Variants in RASAL1 observed in about 807,000 individuals in gnomAD.
The protein encoded by RASAL1 is rasGAP-activating-like protein 1.
RASAL1 carries 72 observed loss-of-function variants against 96.6 expected under a neutral mutation model. The ratio of observed to expected loss-of-function variants is 0.75; its 90% CI spans 0.62 to 0.91. The LOEUF (loss-of-function observed/expected upper bound fraction) is 0.91. RASAL1 is among the 40% of genes least tolerant of loss of function. The pLI, the probability that RASAL1 is intolerant of heterozygous loss-of-function variation, is 0.00. For missense variants in RASAL1, 1,016 were observed against 1,072.5 expected (o/e 0.95, Z 0.74); for synonymous variants, 405 against 430.4 (o/e 0.94, Z 0.73).
chr12:113,120,886 G>C (rs1302595338), intron 5 of RASAL1, among the ~76,000 whole-genome samples: 3 of 152,204 alleles, frequency 2.0e-5, no homozygotes, highest in Admixed American at 2.0e-4. Context: ...ACTCAGGCCT[G>C]ATCCATTATT....
rs373894554 is a variant in RASAL1 at position 113,115,623 on chromosome 12, C to G, written c.1003+12G>C. 14 of 1,610,986 alleles carry G rather than the reference C, an allele frequency of 8.7e-6. No homozygotes were observed. The East Asian group carries it at 2.7e-4, about 31-fold the overall frequency. On this transcript the variant is annotated intron_variant, in intron 10 of 20. Coordinates refer to ENST00000548055, the MANE Select transcript of RASAL1 (RefSeq NM_001301202.2). This position sits in a 1 kb window ranked among gnomAD's most constrained non-coding sequence, Gnocchi z 4.1. ...GAGGGCGGTGATGTCGGGGGTTGTG[C>G]GGGCAACTCACTGGTCCGAGCCACC...
chr12:113,132,429 G>A (rs1951755519), intron 1 of RASAL1, among the ~76,000 whole-genome samples: 1 of 152,106 alleles, frequency 6.6e-6, no homozygotes, highest in African/African-American at 2.4e-5. Flanking sequence ...TGAATGACTG[G>A]GTTTATGGAG....
intron 1 of RASAL1, among the ~76,000 whole-genome samples, chr12:113,131,873 C>T (rs1242329609): frequency 6.6e-6 from 1 of 152,136 alleles, no homozygotes; most frequent in East Asian, 1.9e-4. Flanking sequence ...AAGTCTCAGT[C>T]CAAAGTCACC....
chr12:113,118,569 G>A (rs1016363893), intron 7 of RASAL1, among the ~76,000 whole-genome samples: 4 of 152,186 alleles, frequency 2.6e-5, no homozygotes, highest in African/African-American at 9.7e-5. Flanking sequence ...TTAACTATTT[G>A]AGGAAATGCC....
Position 113,126,348 on chromosome 12 carries a change from G to C in RASAL1, c.298+1464C>G, listed in dbSNP as rs561100388. ...GCAAGATACAGAGCAGAGTGTAAAA[G>C]GCTGCAATTTGTATAAGCACAGAAA... On this transcript the variant is annotated intron_variant, in intron 4 of 20. Transcript: ENST00000548055. Among the ~76,000 whole-genome samples, 5 of 151,966 alleles carry C rather than the reference G, an allele frequency of 3.3e-5. No individual in the cohort carries two copies. In the South Asian group the frequency reaches 1.0e-3, roughly 32 times the overall value.
chr12:113,103,272 A>C (rs945568148), intron 18 of RASAL1, among the ~76,000 whole-genome samples: 1 of 150,560 alleles, frequency 6.6e-6, no homozygotes, highest in African/African-American at 2.4e-5. Context: ...ATACATTGTT[A>C]TACATTGTAT....
intron 4 of RASAL1, among the ~76,000 whole-genome samples, chr12:113,125,498 T>C (rs1227700014): frequency 6.6e-6 from 1 of 152,152 alleles, no homozygotes; most frequent in African/African-American, 2.4e-5. Context: ...AAACTGTATA[T>C]AAAAAAGGCT....
At chr12:113,127,109 G>A (rs983281795) in intron 4 of RASAL1, among the ~76,000 whole-genome samples, 2 of 150,988 alleles carry the variant, frequency 1.3e-5, no homozygotes, top group African/African-American at 2.5e-5. Context: ...GGCTGCTCAC[G>A]GACTCCTGGG....
In RASAL1 at chr12:113,129,529, C is replaced by T. The variant is rs956940264; in HGVS notation, c.123-1351G>A. On this transcript the variant is annotated intron_variant, in intron 2 of 20. Coordinates refer to ENST00000548055, the MANE Select transcript of RASAL1 (RefSeq NM_001301202.2). This position sits in a 1 kb window ranked among gnomAD's most constrained non-coding sequence, Gnocchi z 5.0. The stretch of plus-strand genomic sequence containing the variant: ...AGATAAGCCCAGAAACAGGTGCACA[C>T]ACACAGCATCTCTGCCCTGACATCC... Among the ~76,000 whole-genome samples the T allele has an allele frequency of 2.0e-5, 3 of 152,308 alleles. No homozygotes were observed. The highest frequency in any genetic ancestry group is 3.9e-4 in the East Asian group (2 of 5,180).
At chr12:113,128,841 A>G (rs1367382619) in intron 2 of RASAL1, among the ~76,000 whole-genome samples, 1 of 152,190 alleles carries the variant, frequency 6.6e-6, no homozygotes, top group Admixed American at 6.5e-5. Flanking sequence ...ATGAAAACAT[A>G]TGAAAATAGA....
intron 4 of RASAL1, among the ~76,000 whole-genome samples, chr12:113,123,553 T>C (rs79612265): frequency 6.7e-6 from 1 of 149,140 alleles, no homozygotes; most frequent in African/African-American, 2.5e-5. Flanking sequence ...CCTTGCTTTT[T>C]GTTTACCATT....
intron 4 of RASAL1, among the ~76,000 whole-genome samples, chr12:113,122,782 ATGAT>A (rs1951345069): frequency 6.6e-6 from 1 of 152,224 alleles, no homozygotes; most frequent in Non-Finnish European, 1.5e-5. Flanking sequence ...AAAATTCTAG[ATGAT>A]TGATTTTTTA....
At chr12:113,101,812 T>G in intron 19 of RASAL1, 77 bp downstream of exon 19, 1 of 1,524,130 alleles carries the variant, frequency 6.6e-7, no homozygotes, top group Non-Finnish European at 8.8e-7. Flanking sequence ...AATGAATAAA[T>G]GGACACAGCA....
chr12:113,111,290 C>T (rs990208286), intron 13 of RASAL1, among the ~76,000 whole-genome samples: 4 of 152,166 alleles, frequency 2.6e-5, no homozygotes, highest in Non-Finnish European at 5.9e-5. Context: ...TATTTTACAT[C>T]TGGAATTTCA....
Position 113,099,996 on chromosome 12 carries a change from T to C in RASAL1, c.2351A>G (p.Asp784Gly). The C allele has an allele frequency of 6.2e-7, 1 of 1,613,844 alleles. No individual in the cohort carries two copies. Among genetic ancestry groups the C allele is most frequent in the Non-Finnish European group, 8.5e-7 (1 of 1,179,812 alleles). The change falls in exon 21 of 21, where the codon GAT (aspartate) becomes GGT (glycine). Residue 784 changes from aspartate (D) to glycine (G), a missense_variant. Transcript: ENST00000548055. ...ARLLEVLADL[D>G]RAHEEFQQQE... ...CTGCTGGAACTCCTCGTGGGCACGATCCAGGTCTGCGAGCACCTCCAGCAG... is the reference window on the plus strand; with the variant it reads ...CTGCTGGAACTCCTCGTGGGCACGACCCAGGTCTGCGAGCACCTCCAGCAG...
rs11613119 is a variant in RASAL1 at position 113,118,051 on chromosome 12, C to G, written c.643-890G>C. Reference sequence around the variant, plus strand: ...CCAGCCTGACCAACATGATGAAACCCTGTCTCTATTAAAAATACAAAAATT... The same window carrying G: ...CCAGCCTGACCAACATGATGAAACCGTGTCTCTATTAAAAATACAAAAATT... On this transcript the variant is annotated intron_variant, in intron 7 of 20. Transcript: ENST00000548055. Among the ~76,000 whole-genome samples, 1,276 of 152,200 alleles carry G rather than the reference C, an allele frequency of 8.4e-3. 13 individuals are homozygous for G. Among genetic ancestry groups the G allele is most frequent in the Non-Finnish European group, 0.013 (896 of 68,018 alleles).
In RASAL1 at chr12:113,115,745, A is replaced by T; in HGVS notation, c.893T>A (p.Leu298Ter). Residue 298 changes from leucine to a stop codon, truncating the protein, a stop_gained, in exon 10 of 21, where the codon TTG becomes TAG. Transcript: ENST00000548055. LOFTEE classifies it high-confidence loss of function. This position sits in a 1 kb window ranked among gnomAD's most constrained non-coding sequence, Gnocchi z 4.1. ...SPLALLEELT[L>*]GDCRQDLATK... is the part of the protein sequence containing the mutation. ...GGCAAGGTCCTGGCGGCAGTCCCCC[A>T]AGGTCAGCTCTTCCAGCAAAGCCAA... The T allele has an allele frequency of 6.2e-7, 1 of 1,614,098 alleles. No individual in the cohort carries two copies. Among genetic ancestry groups the T allele is most frequent in the Non-Finnish European group, 8.5e-7 (1 of 1,180,000 alleles).
chr12:113,106,169 T>C (rs952608406), intron 15 of RASAL1, among the ~76,000 whole-genome samples: 1 of 152,112 alleles, frequency 6.6e-6, no homozygotes, highest in Non-Finnish European at 1.5e-5. Flanking sequence ...CCACACCCTA[T>C]GGGGTCCCAT....
chr12:113,124,204 C>T (rs1043935986), intron 4 of RASAL1, among the ~76,000 whole-genome samples: 6 of 123,058 alleles, frequency 4.9e-5, no homozygotes, highest in Middle Eastern at 5.4e-3. Flanking sequence ...GGTGATAGAG[C>T]GAGACTCTGT....
Sources: allele counts gnomAD v4.1 joint callset (sites outside exome capture counted in the v4.1 genomes callset), GRCh38; gene constraint gnomAD v4.1.1; non-coding constraint Gnocchi (gnomAD v3.1); transcripts MANE v1.5; gene names NCBI Gene and HGNC (gene_info 2026-07-23, HGNC 2026-07-21).